The following SLC4A10 variants were observed in gnomAD, a reference collection of about 807,000 sequenced individuals.
The protein encoded by SLC4A10 is sodium-driven chloride bicarbonate exchanger.
SLC4A10 carries 42 observed loss-of-function variants against 137.7 expected under a neutral mutation model. That is an observed-to-expected ratio of 0.30 (90% CI 0.24 to 0.39). The LOEUF is 0.39. Among genes scored for constraint, SLC4A10 ranks in the 10% least tolerant of loss-of-function variants. The probability of loss-of-function intolerance (pLI) is 1.00; values close to 1 mark genes in which losing one functional copy is unlikely to be tolerated. For synonymous variants in SLC4A10, 474 were observed against 464.1 expected (o/e 1.02, Z -0.27); for missense variants, 925 against 1,355.0 (o/e 0.68, Z 4.98).
At chr2:161,924,372 A>G (rs1688687393) in intron 15 of SLC4A10, among the ~76,000 whole-genome samples, 1 of 152,110 alleles carries the variant, frequency 6.6e-6, no homozygotes, top group African/African-American at 2.4e-5. Context: ...CGGAGATATC[A>G]AATGTCCTTA....
At chr2:161,632,459 G>A (rs544287403) in intron 1 of SLC4A10, among the ~76,000 whole-genome samples, 1 of 151,508 alleles carries the variant, frequency 6.6e-6, no homozygotes, top group Non-Finnish European at 1.5e-5. Flanking sequence ...CACAGAGACA[G>A]CAGCAAGACA....
chr2:161,670,344 G>A (rs1278216888), intron 1 of SLC4A10, among the ~76,000 whole-genome samples: 1 of 142,136 alleles, frequency 7.0e-6, no homozygotes, highest in African/African-American at 2.6e-5. Flanking sequence ...CATTTACTAT[G>A]CTCTAGGCAT....
At position 161,957,249 on chromosome 2, in the gene SLC4A10, A is replaced by T; in HGVS notation, c.2793+9A>T. ...TGACCAGTATTCTGAAGGTAACAAAATCTGTCTTTATGAACTTGAGAGAAA... is the reference window on the plus strand; with the variant it reads ...TGACCAGTATTCTGAAGGTAACAAATTCTGTCTTTATGAACTTGAGAGAAA... On this transcript the variant is annotated intron_variant, in intron 20 of 26. Transcript: ENST00000446997. The T allele has an allele frequency of 6.2e-7, 1 of 1,609,460 alleles. No homozygotes were observed. Among genetic ancestry groups the T allele is most frequent in the Non-Finnish European group, 8.5e-7 (1 of 1,177,492 alleles).
intron 10 of SLC4A10, among the ~76,000 whole-genome samples, chr2:161,884,674 A>T (rs1335063465): frequency 6.6e-6 from 1 of 152,206 alleles, no homozygotes. Context: ...ATCATTGTAG[A>T]TTATGGGATA....
intron 1 of SLC4A10, among the ~76,000 whole-genome samples, chr2:161,728,683 A>G (rs1386754695): frequency 6.6e-6 from 1 of 152,214 alleles, no homozygotes; most frequent in Non-Finnish European, 1.5e-5. Context: ...TAGAAGACAA[A>G]AAAGACACTT....
At chr2:161,932,195 A>G (rs891146583) in intron 15 of SLC4A10, among the ~76,000 whole-genome samples, 25 of 152,332 alleles carry the variant, frequency 1.6e-4, no homozygotes, top group African/African-American at 5.8e-4. Flanking sequence ...ACTGGCTTAC[A>G]GACTGAGGTT....
rs371537138 is a variant in SLC4A10, at chr2:161,856,867, A to G, written c.577+1737A>G. On this transcript the variant is annotated intron_variant, in intron 5 of 26. Transcript: ENST00000446997. ...TTTAAAAGGTTAAAGGCCTTGCTCT[A>G]AGGCGTTTATTTCTGCCGCTTAAAT... 2.0e-5 allele frequency among the ~76,000 whole-genome samples: 3 copies of G among 152,290 alleles called. No homozygotes were observed. The South Asian group carries it at 6.2e-4, about 32-fold the overall frequency.
intron 2 of SLC4A10, among the ~76,000 whole-genome samples, chr2:161,773,593 A>G (rs2051935210): frequency 6.6e-6 from 1 of 151,910 alleles, no homozygotes; most frequent in South Asian, 2.1e-4. Context: ...ATATTTATTT[A>G]ATGAAATTAC....
At position 161,958,535 on chromosome 2, in the gene SLC4A10, T is replaced by C. The variant is rs1446564035; in HGVS notation, c.2842T>C (p.Ser948Pro). The change falls in exon 21 of 27, where the codon TCA becomes CCA. Residue 948 changes from serine to proline, a missense_variant. Transcript: ENST00000446997. ...LYGVFLYMGA[S>P]SLKGIQFFDR... is the part of the protein sequence containing the mutation. The stretch of plus-strand genomic sequence containing the variant: ...TGGAGTGTTTCTTTATATGGGTGCT[T>C]CATCTCTAAAGGGAATTCAGGTAAA... The C allele has an allele frequency of 6.2e-7, 1 of 1,611,064 alleles. No individual in the cohort carries two copies.
intron 1 of SLC4A10, among the ~76,000 whole-genome samples, chr2:161,649,058 C>T (rs1170732082): frequency 6.6e-6 from 1 of 152,112 alleles, no homozygotes; most frequent in East Asian, 1.9e-4. Flanking sequence ...CGTCCTTTCT[C>T]CCAAATGTGA....
At chr2:161,781,084 C>T (rs1309399478) in intron 2 of SLC4A10, among the ~76,000 whole-genome samples, 1 of 152,030 alleles carries the variant, frequency 6.6e-6, no homozygotes, top group African/African-American at 2.4e-5. Flanking sequence ...CATAGCTACA[C>T]AGGTCAGAGC....
chr2:161,839,948 G>A (rs2059078550), intron 4 of SLC4A10, 21 bp downstream of exon 4: 1 of 1,613,190 alleles, frequency 6.2e-7, no homozygotes, highest in Non-Finnish European at 8.5e-7. Flanking sequence ...TTGTTAAAGG[G>A]TGAAGGTATA....
chr2:161,649,362 A>G (rs980158367), intron 1 of SLC4A10, among the ~76,000 whole-genome samples: 1 of 152,196 alleles, frequency 6.6e-6, no homozygotes, highest in Non-Finnish European at 1.5e-5. Flanking sequence ...CCTTGTCTCG[A>G]AAAAAATTGC....
intron 15 of SLC4A10, among the ~76,000 whole-genome samples, chr2:161,933,734 G>A (rs1691048636): frequency 6.6e-6 from 1 of 152,146 alleles, no homozygotes; most frequent in African/African-American, 2.4e-5. Context: ...CCATTGATGG[G>A]CACTTAGGTT....
chr2:161,844,429 G>A (rs964389582), intron 4 of SLC4A10, among the ~76,000 whole-genome samples: 1 of 151,878 alleles, frequency 6.6e-6, no homozygotes. Flanking sequence ...ATGACTATAG[G>A]TATTCTTTGA....
In SLC4A10 at chr2:161,628,955, A is replaced by G. The variant is rs559865039; in HGVS notation, c.48+4389A>G. ...GGTCTGGAACTCAAAATACAGTCAG[A>G]GAGCATGGTCAGAATACAATGATAC... On this transcript the variant is annotated intron_variant, in intron 1 of 26. Coordinates refer to ENST00000446997, the MANE Select transcript of SLC4A10 (RefSeq NM_001178015.2). Among the ~76,000 whole-genome samples the G allele has an allele frequency of 3.3e-5, 5 of 152,158 alleles. No homozygotes were observed. In the South Asian group the frequency reaches 1.0e-3, roughly 32 times the overall value.
chr2:161,767,134 TATATA>T, intron 1 of SLC4A10, among the ~76,000 whole-genome samples: 1 of 113,734 alleles, frequency 8.8e-6, no homozygotes. Context: ...TATATATATA[TATATA>T]TGTGTGTGTG....
chr2:161,624,759 C>T (rs141193354), intron 1 of SLC4A10, among the ~76,000 whole-genome samples, 193 bp downstream of exon 1: 3 of 151,934 alleles, frequency 2.0e-5, no homozygotes, highest in Non-Finnish European at 4.4e-5. Flanking sequence ...TCCTCCCCCC[C>T]CCTTCTCAAT....
chr2:161,938,947 T>A (rs934989197), intron 15 of SLC4A10, among the ~76,000 whole-genome samples: 1 of 152,124 alleles, frequency 6.6e-6, no homozygotes, highest in Admixed American at 6.6e-5. Context: ...TTTAACAAAA[T>A]TTTTTAAAAT....
Sources: allele counts gnomAD v4.1 joint callset (sites outside exome capture counted in the v4.1 genomes callset), GRCh38; gene constraint gnomAD v4.1.1; transcripts MANE v1.5; gene names NCBI Gene and HGNC (gene_info 2026-07-23, HGNC 2026-07-21).